SPPL2B: variants seen among roughly 807,000 people sequenced by gnomAD.
SPPL2B encodes signal peptide peptidase like 2B, also known as signal peptide peptidase-like 2B.
SPPL2B carries 39 observed loss-of-function variants against 59.7 expected under a neutral mutation model. The observed-to-expected ratio is 0.65, with a 90% CI of 0.51 to 0.85. The LOEUF (loss-of-function observed/expected upper bound fraction) is 0.85. SPPL2B is among the 40% of genes least tolerant of loss of function. The pLI is 0.00. For synonymous variants in SPPL2B, 419 were observed against 370.8 expected, an observed-to-expected ratio of 1.13 and a Z score of -1.49; for missense variants, 865 against 849.0, an observed-to-expected ratio of 1.02 and a Z score of -0.23.
rs1005771049 is a variant in SPPL2B, at chr19:2,332,334, C to T, written c.67-2268C>T. 6.6e-6 allele frequency among the ~76,000 whole-genome samples: 1 copy of T among 152,204 alleles called. No homozygotes were observed. Among genetic ancestry groups the T allele is most frequent in the African/African-American group, 2.4e-5 (1 of 41,440 alleles). On this transcript the variant is annotated intron_variant, in intron 1 of 14. Transcript: ENST00000613503. This position sits in a 1 kb window ranked among gnomAD's most constrained non-coding sequence, Gnocchi z 4.6. ...GATGAGGGCCCGGCTGTTGGAGAGC[C>T]CGTCTGTGCCTGTGTGCTGGGGTTG...
At position 2,353,165 on chromosome 19, in the gene SPPL2B, C is replaced by G. The variant is rs752490510; in HGVS notation, c.1735C>G (p.Gln579Glu). The G allele has an allele frequency of 3.1e-6, 5 of 1,608,830 alleles. No homozygotes were observed. In the African/African-American group the frequency reaches 4.0e-5, roughly 13 times the overall value. The change falls in exon 15 of 15, where the codon CAG (glutamine) becomes GAG (glutamate). Residue 579 changes from glutamine to glutamate, a missense_variant. Transcript: ENST00000613503. ...GSPAESEGRD[Q>E]AQPSPVTQPG... ...CCCAGCTGAATCCGAGGGCCGGGACCAGGCCCAGCCGTCCCCGGTAACCCA... is the reference window on the plus strand; with the variant it reads ...CCCAGCTGAATCCGAGGGCCGGGACGAGGCCCAGCCGTCCCCGGTAACCCA...
chr19:2,348,473 C>T (rs1164197827), intron 13 of SPPL2B, among the ~76,000 whole-genome samples: 1 of 140,582 alleles, frequency 7.1e-6, no homozygotes, highest in African/African-American at 2.7e-5. Context: ...CGCTTGATTC[C>T]GTTCTCTCTC....
intron 6 of SPPL2B, 28 bp from the exon 7 acceptor site, chr19:2,340,048 C>G (rs753411001): frequency 6.3e-7 from 1 of 1,575,566 alleles, no homozygotes; most frequent in Admixed American, 1.8e-5. Context: ...CGGGCCTGGC[C>G]CCCGGCCTCA....
In SPPL2B at chr19:2,332,826, C is replaced by G. The variant is rs1305888209; in HGVS notation, c.67-1776C>G. On this transcript the variant is annotated intron_variant, in intron 1 of 14. Transcript: ENST00000613503. This position sits in a 1 kb window ranked among gnomAD's most constrained non-coding sequence, Gnocchi z 4.6. ...ACAGCAGCTGGGACCTGGGCCCCAT[C>G]GCTGTGAGACCCTCTGGTGACTGGC... 2.0e-5 allele frequency among the ~76,000 whole-genome samples: 3 copies of G among 152,154 alleles called. No individual in the cohort carries two copies. Among genetic ancestry groups the G allele is most frequent in the African/African-American group, 7.2e-5 (3 of 41,426 alleles).
At position 2,332,193 on chromosome 19, in the gene SPPL2B, C is replaced by T. The variant is rs1968324467; in HGVS notation, c.67-2409C>T. Among the ~76,000 whole-genome samples the T allele has an allele frequency of 1.3e-5, 2 of 152,226 alleles. No homozygotes were observed. The highest frequency in any genetic ancestry group is 2.9e-5 in the Non-Finnish European group (2 of 68,034). On this transcript the variant is annotated intron_variant, in intron 1 of 14. Transcript: ENST00000613503. This position sits in a 1 kb window ranked among gnomAD's most constrained non-coding sequence, Gnocchi z 4.6. ...CATTAGCCAAGAGCTATGAGACCCC[C>T]AGTCGATTGTGGGGACCGGGGCTCC...
intron 2 of SPPL2B, among the ~76,000 whole-genome samples, chr19:2,336,781 G>T (rs942200576): frequency 6.7e-6 from 1 of 149,142 alleles, no homozygotes; most frequent in African/African-American, 2.5e-5. Context: ...ATGCACTCCA[G>T]CCTGGCTGTG....
chr19:2,348,994 T>A (rs375060055), intron 13 of SPPL2B, among the ~76,000 whole-genome samples: 3 of 110,046 alleles, frequency 2.7e-5, no homozygotes, highest in Non-Finnish European at 3.6e-5. Context: ...CCACACACAC[T>A]CACGCTCTCA....
At chr19:2,335,050 C>G (rs895629882) in intron 2 of SPPL2B, among the ~76,000 whole-genome samples, 8 of 152,244 alleles carry the variant, frequency 5.3e-5, no homozygotes, top group African/African-American at 1.9e-4. Flanking sequence ...GCAGAGGGCA[C>G]AGTGGGGCCC....
intron 13 of SPPL2B, among the ~76,000 whole-genome samples, chr19:2,349,829 C>T (rs1307859472): frequency 2.0e-5 from 3 of 150,690 alleles, no homozygotes; most frequent in Admixed American, 1.3e-4. Context: ...TCTGTTCTCT[C>T]TCTCCACACA....
intron 8 of SPPL2B, chr19:2,342,867 A>C: frequency 1.5e-5 from 4 of 261,230 alleles, no homozygotes; most frequent in East Asian, 7.9e-5. Flanking sequence ...GCAGCCGGCC[A>C]GGCCCGTGTC....
chr19:2,335,690 C>A (rs1340209398), intron 2 of SPPL2B, among the ~76,000 whole-genome samples: 1 of 150,640 alleles, frequency 6.6e-6, no homozygotes, highest in Admixed American at 6.6e-5. Flanking sequence ...CCCACCGTAT[C>A]CCTCAGGCCC....
intron 13 of SPPL2B, among the ~76,000 whole-genome samples, chr19:2,350,087 A>T (rs538231808): frequency 4.6e-5 from 5 of 109,446 alleles, no homozygotes; most frequent in African/African-American, 7.6e-5. Flanking sequence ...CATTCGCTTG[A>T]CTCTGTTCTC....
chr19:2,339,976 C>T lies in SPPL2B; in HGVS notation c.742+10C>T, dbSNP rs117324377. The T allele has an allele frequency of 0.11, 176,755 of 1,552,364 alleles. 10,687 individuals carry two copies. Among genetic ancestry groups the T allele is most frequent in the Middle Eastern group, 0.17 (992 of 5,984 alleles). ...TTCTACGATCTCCTCGGTGCGCGGC[C>T]CCGGGCGGGTGGGCCGCGGCGTGGA... On this transcript the variant is annotated intron_variant, in intron 6 of 14. Transcript: ENST00000613503.
intron 13 of SPPL2B, 131 bp downstream of exon 13, chr19:2,345,461 A>C (rs377065105): frequency 5.3e-5 from 41 of 776,888 alleles, no homozygotes; most frequent in East Asian, 4.3e-4. Context: ...CACCGTAACC[A>C]TAACACCCTA....
At chr19:2,350,740 G>A (rs899289535) in intron 13 of SPPL2B, among the ~76,000 whole-genome samples, 5 of 152,262 alleles carry the variant, frequency 3.3e-5, no homozygotes, top group African/African-American at 1.2e-4. Flanking sequence ...GGAACCTATG[G>A]TGATTTATGG....
At chr19:2,336,810 C>G (rs564638916) in intron 2 of SPPL2B, among the ~76,000 whole-genome samples, 1 of 142,472 alleles carries the variant, frequency 7.0e-6, no homozygotes, top group African/African-American at 2.7e-5. Flanking sequence ...TGTGTGTGCG[C>G]GCTGGCCTGG....
At chr19:2,335,673 C>A in intron 2 of SPPL2B, among the ~76,000 whole-genome samples, 1 of 151,040 alleles carries the variant, frequency 6.6e-6, no homozygotes, top group East Asian at 2.0e-4. Flanking sequence ...CAGGCCCTGC[C>A]TCCTTTCCCA....
At position 2,341,055 on chromosome 19, in the gene SPPL2B, C is replaced by T. The variant is rs907586266; in HGVS notation, c.956+41C>T. The T allele has an allele frequency of 9.0e-6, 13 of 1,444,256 alleles. No individual in the cohort carries two copies. In the African/African-American group the frequency reaches 1.5e-4, roughly 17 times the overall value. The allele number at this position is 1,444,256 out of a possible 1,614,324, so 89.5% of individuals were successfully genotyped here. A position where few individuals can be genotyped will look rare whatever the true frequency, so the allele number is the denominator to read the frequency against. The stretch of plus-strand genomic sequence containing the variant: ...CCCGGGCCCCGGCGGGCAGCGGAGT[C>T]CTCGGGTGCACCAGGGCTCCTGGGG... On this transcript the variant is annotated intron_variant, in intron 8 of 14. Coordinates refer to ENST00000613503, the MANE Select transcript of SPPL2B (RefSeq NM_152988.3).
At chr19:2,350,009 C>T (rs1969808605) in intron 13 of SPPL2B, among the ~76,000 whole-genome samples, 1 of 150,388 alleles carries the variant, frequency 6.6e-6, no homozygotes, top group Non-Finnish European at 1.5e-5. Flanking sequence ...ATTCCGTTCT[C>T]TCCCTCGACA....
Sources: gnomAD v4.1 joint callset for allele counts (sites outside exome capture counted in the v4.1 genomes callset) on GRCh38, gnomAD v4.1.1 for gene constraint, Gnocchi (gnomAD v3.1) non-coding constraint, MANE v1.5 for transcripts, NCBI Gene and HGNC (gene_info 2026-07-23, HGNC 2026-07-21) for gene names.